The following DGKA variants were observed in gnomAD, a reference collection of about 807,000 sequenced individuals.
DGKA encodes the protein diacylglycerol kinase alpha, also known as 80 kDa diacylglycerol kinase.
A neutral mutation model predicts 105.0 loss-of-function variants in DGKA; 35 were observed. That is an observed-to-expected ratio of 0.33 (90% CI 0.25 to 0.44). The LOEUF (loss-of-function observed/expected upper bound fraction) is 0.44, where lower values mean the gene tolerates loss of function less well. Among genes scored for constraint, DGKA ranks in the 20% least tolerant of loss-of-function variants. DGKA has a pLI of 1.00. For synonymous variants in DGKA, 296 were observed against 332.0 expected (o/e 0.89, Z 1.18); for missense variants, 665 against 915.0 (o/e 0.73, Z 3.53).
At position 55,952,828 on chromosome 12, in the gene DGKA, G is replaced by T; in HGVS notation, c.1838G>T (p.Gly613Val). The T allele has an allele frequency of 6.2e-7, 1 of 1,614,178 alleles. No individual in the cohort carries two copies. Among genetic ancestry groups the T allele is most frequent in the East Asian group, 2.2e-5 (1 of 44,886 alleles). The change falls in exon 21 of 24, where the codon GGT (glycine) becomes GTT (valine). Residue 613 changes from glycine (G) to valine (V), a missense_variant. Physicochemically the swap from Gly to Val is moderately radical, Grantham distance 109 (BLOSUM62 -3). Coordinates refer to ENST00000331886, the MANE Select transcript of DGKA (RefSeq NM_001345.5). This position sits in a 1 kb window ranked among gnomAD's most constrained non-coding sequence, Gnocchi z 5.1. ...PSMHGGSNLW[G>V]DTRRPHGDIY... ...ATGCATGGTGGCTCCAACCTCTGGG[G>T]TGATACCAGGAGACCCCATGGGGAT...
At chr12:55,936,741 G>A in intron 2 of DGKA, 174 bp downstream of exon 2, 1 of 1,010,884 alleles carries the variant, frequency 9.9e-7, no homozygotes, top group Non-Finnish European at 1.5e-6. Flanking sequence ...GTCAGAAAAA[G>A]ATCCGGATCT....
chr12:55,930,033 G>A (rs1333664632), upstream of DGKA, among the ~76,000 whole-genome samples: 2 of 152,248 alleles, frequency 1.3e-5, no homozygotes, highest in Admixed American at 6.5e-5. Flanking sequence ...GATTAATATC[G>A]TTCCAAGATT....
chr12:55,927,541 A>G (rs1883217624), upstream of DGKA: 1 of 756,532 alleles, frequency 1.3e-6, no homozygotes, highest in Non-Finnish European at 2.1e-6. Flanking sequence ...GGTGACGTGG[A>G]GCAGACAAAC....
chr12:55,939,460 C>T lies in DGKA; in HGVS notation c.640C>T (p.Pro214Ser). ...GCACATGTGGAGGCCCAAGAGGTTC[C>T]CCAGACCAGTCTACTGCAATCTGTG... ...GQHMWRPKRF[P>S]RPVYCNLCES... The change falls in exon 9 of 24, where the codon CCC becomes TCC. Residue 214 changes from proline (P) to serine (S), a missense_variant. Physicochemically the swap from Pro to Ser is moderately conservative, Grantham distance 74 (BLOSUM62 -1). This residue lies in a region of DGKA where 504 missense variants were observed against 681.2 expected (regional missense o/e 0.74). Coordinates refer to ENST00000331886, the MANE Select transcript of DGKA (RefSeq NM_001345.5). The T allele has an allele frequency of 1.2e-6, 2 of 1,614,174 alleles. No homozygotes were observed. The highest frequency in any genetic ancestry group is 8.5e-7 in the Non-Finnish European group (1 of 1,180,040).
intron 9 of DGKA, chr12:55,939,861 C>T (rs1254157851): frequency 5.0e-6 from 3 of 595,464 alleles, no homozygotes; most frequent in Non-Finnish European, 9.0e-6. Context: ...TCCTGCCTGG[C>T]ACATGGATGG....
At chr12:55,933,388 A>C (rs1326612283) in intron 1 of DGKA, 1 of 152,196 alleles carries the variant, frequency 6.6e-6, no homozygotes, top group Non-Finnish European at 1.5e-5. Context: ...AGTCACAAAT[A>C]GCTGGCAGGC....
At chr12:55,930,383 T>TATTG (rs1883399764), upstream of DGKA, 1 of 148,702 alleles carries the variant, frequency 6.7e-6, no homozygotes, top group East Asian at 1.9e-4. Context: ...TTTTTTTTTT[T>TATTG]TAGACAGAGT....
chr12:55,928,988 C>T (rs1376658397), upstream of DGKA, among the ~76,000 whole-genome samples: 4 of 151,898 alleles, frequency 2.6e-5, no homozygotes, highest in Non-Finnish European at 5.9e-5. Context: ...GAAATCCCAT[C>T]TCTACTAAAA....
intron 1 of DGKA, chr12:55,935,255 C>T (rs750753309): frequency 6.6e-6 from 1 of 152,152 alleles, no homozygotes; most frequent in Non-Finnish European, 1.5e-5. Flanking sequence ...TATTGTTTTA[C>T]GTAAGCCACA....
chr12:55,937,449 T>C lies in DGKA; in HGVS notation c.180T>C (p.Tyr60=). The C allele has an allele frequency of 6.2e-7, 1 of 1,614,150 alleles. No homozygotes were observed. The change falls in exon 4 of 24, where the codon TAT becomes TAC. Residue 60 remains tyrosine, a synonymous_variant. Transcript: ENST00000331886. ...GATTCCAGCAATTCCTGAAAATCTA[T>C]CTCGAAGTGGATAATGTTCCCAGAC... ...YEGFQQFLKI[Y]LEVDNVPRHL... is the part of the protein sequence containing the mutation.
rs1886166431 is a variant in DGKA at position 55,942,218 on chromosome 12, C to G, written c.1381C>G (p.Leu461Val). The G allele has an allele frequency of 6.2e-7, 1 of 1,614,184 alleles. No individual in the cohort carries two copies. The highest frequency in any genetic ancestry group is 8.5e-7 in the Non-Finnish European group (1 of 1,180,042). ...PVLPPVAVLPLGTGNDLARCL... is the reference protein window; with the variant it reads ...PVLPPVAVLPVGTGNDLARCL... ...TTTGCCTCCTGTTGCTGTGTTGCCC[C>G]TGGGTACTGGAAATGATCTGGCTCG... The change falls in exon 17 of 24, where the codon CTG becomes GTG. Residue 461 changes from leucine to valine, a missense_variant. Leu to Val is a conservative substitution (Grantham distance 32). This residue lies in a region of DGKA where 504 missense variants were observed against 681.2 expected (regional missense o/e 0.74). Transcript: ENST00000331886.
intron 22 of DGKA, 84 bp from the exon 23 acceptor site, chr12:55,953,266 A>T: frequency 6.2e-7 from 1 of 1,611,026 alleles, no homozygotes; most frequent in Non-Finnish European, 8.5e-7. Flanking sequence ...CCTCAATGAC[A>T]AAAGGTCTCA....
In DGKA at chr12:55,953,861, C is replaced by A; in HGVS notation, c.*93C>A. 1 of 1,122,314 alleles carries A rather than the reference C, an allele frequency of 8.9e-7. No individual in the cohort carries two copies. 69.5% of individuals were successfully genotyped at this position (1,122,314 alleles called of 1,614,324 possible). Reference sequence around the variant, plus strand: ...GCTCTGTACATTGCTGCCACATACTCCTGCCAGCTTGGGGGAGTGTTCCTT... The same window carrying A: ...GCTCTGTACATTGCTGCCACATACTACTGCCAGCTTGGGGGAGTGTTCCTT... On this transcript the variant is annotated 3_prime_UTR_variant, in exon 24 of 24. Transcript: ENST00000331886.
chr12:55,950,038 A>G (rs958074723), intron 17 of DGKA, among the ~76,000 whole-genome samples: 2 of 151,168 alleles, frequency 1.3e-5, no homozygotes, highest in Non-Finnish European at 3.0e-5. Flanking sequence ...GCAGTGGCGC[A>G]ATCTCAGCTC....
At chr12:55,928,027 T>C, upstream of DGKA, 1 of 521,368 alleles carries the variant, frequency 1.9e-6, no homozygotes, top group Non-Finnish European at 3.4e-6. Flanking sequence ...TCCGGTCCCG[T>C]AGTGTCACTC....
chr12:55,939,985 CAAGGGATCACATATCTG>C, intron 9 of DGKA, 80 bp from the exon 10 acceptor site: 1 of 1,114,174 alleles, frequency 9.0e-7, no homozygotes, highest in Admixed American at 1.7e-5. Context: ...CACCCTCAAG[CAAGGGATCACATATCTG>C]ATCCTGCCTC....
upstream of DGKA, among the ~76,000 whole-genome samples, chr12:55,928,091 T>A (rs553737780): frequency 2.0e-5 from 3 of 152,166 alleles, no homozygotes; most frequent in South Asian, 6.2e-4. Flanking sequence ...CGAACCCATA[T>A]GGTCTCCCTC....
In DGKA at chr12:55,941,261, G is replaced by A; in HGVS notation, c.1111G>A (p.Val371Ile). 6.2e-7 allele frequency: 1 copy of A among 1,613,238 alleles called. No homozygotes were observed. The highest frequency in any genetic ancestry group is 2.2e-5 in the East Asian group (1 of 44,844). ...STSEALRIDP[V>I]PNTHPLLVFV... ...TCTTCCCCCAATGCAGATTGACCCT[G>A]TTCCTAACACCCACCCACTTCTCGT... The change falls in exon 14 of 24, where the codon GTT becomes ATT. Residue 371 changes from valine (V) to isoleucine (I), a missense_variant. This residue lies in a region of DGKA where 504 missense variants were observed against 681.2 expected (regional missense o/e 0.74). Coordinates refer to ENST00000331886, the MANE Select transcript of DGKA (RefSeq NM_001345.5).
intron 1 of DGKA, chr12:55,935,790 G>C: frequency 2.5e-6 from 2 of 795,366 alleles, no homozygotes; most frequent in Non-Finnish European, 3.0e-6. Flanking sequence ...AGTCCAGGCG[G>C]GGCCGGGGCT....
Sources: allele counts gnomAD v4.1 joint callset (sites outside exome capture counted in the v4.1 genomes callset), GRCh38; gene constraint gnomAD v4.1.1; regional missense constraint gnomAD v4.1.1; non-coding constraint Gnocchi (gnomAD v3.1); transcripts MANE v1.5; gene names NCBI Gene and HGNC (gene_info 2026-07-23, HGNC 2026-07-21).